STOX2: variants seen among roughly 807,000 people sequenced by gnomAD.
STOX2 encodes the protein storkhead box 2.
Under a neutral mutation model 60.9 loss-of-function variants are expected in STOX2, and 28 were observed. The observed-to-expected ratio is 0.46, with a 90% CI of 0.34 to 0.63. STOX2 has a LOEUF of 0.63. STOX2 is among the 30% of genes least tolerant of loss of function. The pLI is 0.01. For missense variants in STOX2, 1,024 were observed against 1,187.7 expected, an observed-to-expected ratio of 0.86 and a Z score of 2.03; for synonymous variants, 472 against 463.9, an observed-to-expected ratio of 1.02 and a Z score of -0.22.
Position 183,821,764 on chromosome 4 carries a change from C to T in STOX2, c.364+23709C>T, listed in dbSNP as rs1284826417. ...GTCCCTGCTGCTCCAGCAGCCTCCC[C>T]CTCCACATCCCTGCGGAGCACCCAT... On this transcript the variant is annotated intron_variant, in intron 1 of 2. Transcript: ENST00000513034. This position sits in a 1 kb window ranked among gnomAD's most constrained non-coding sequence, Gnocchi z 4.2. Among the ~76,000 whole-genome samples the T allele has an allele frequency of 6.6e-6, 1 of 152,254 alleles. No homozygotes were observed. Among genetic ancestry groups the T allele is most frequent in the East Asian group, 1.9e-4 (1 of 5,194 alleles).
At chr4:183,826,375 C>T (rs1224911710) in intron 1 of STOX2, among the ~76,000 whole-genome samples, 1 of 152,204 alleles carries the variant, frequency 6.6e-6, no homozygotes, top group African/African-American at 2.4e-5. Flanking sequence ...GCTCATCTAT[C>T]TCAGGGGATA....
At chr4:183,889,371 C>T (rs1016861310) in intron 1 of STOX2, among the ~76,000 whole-genome samples, 3 of 152,122 alleles carry the variant, frequency 2.0e-5, no homozygotes, top group Admixed American at 6.5e-5. Flanking sequence ...AGGTCACCAG[C>T]GTGCCCCAGA....
At chr4:183,817,143 G>A (rs1214932938) in intron 1 of STOX2, among the ~76,000 whole-genome samples, 1 of 152,228 alleles carries the variant, frequency 6.6e-6, no homozygotes, top group African/African-American at 2.4e-5. Context: ...CTTTGAAATG[G>A]TGTCCACATT....
In STOX2 at chr4:184,011,392, A is replaced by G. The variant is rs1734168007; in HGVS notation, c.2554A>G (p.Ile852Val). The G allele has an allele frequency of 6.2e-7, 1 of 1,613,296 alleles. No homozygotes were observed. Among genetic ancestry groups the G allele is most frequent in the Non-Finnish European group, 8.5e-7 (1 of 1,179,574 alleles). The change falls in exon 3 of 4, where the codon ATC becomes GTC. Residue 852 changes from isoleucine to valine, a missense_variant. This residue lies in a region of STOX2 where 922 missense variants were observed against 1,058.3 expected (regional missense o/e 0.87). Transcript: ENST00000308497. The surrounding 1 kb of genome is among the most constrained non-coding windows in gnomAD (Gnocchi z 4.4). ...GCTCGACAGCATGGACAGCAGCAGC[A>G]TCACAGTGGACAGTGGATTCAACTC... ...ARLDSMDSSS[I>V]TVDSGFNSPR...
intron 1 of STOX2, among the ~76,000 whole-genome samples, chr4:183,850,980 C>CGATGAGAAAGGATGAGGGAAAG (rs1740110800): frequency 4.3e-5 from 2 of 46,590 alleles, no homozygotes; most frequent in African/African-American, 1.7e-4. Flanking sequence ...ATGAGGGAAA[C>CGATGAGAAAGGATGAGGGAAAG]GATGAGAAAG....
chr4:183,945,791 G>A (rs1164561674), intron 1 of STOX2, among the ~76,000 whole-genome samples: 3 of 152,226 alleles, frequency 2.0e-5, no homozygotes, highest in East Asian at 1.9e-4. Context: ...GTCCTCAGTC[G>A]GTGTGTTCTT....
chr4:183,923,226 A>G (rs745350664), intron 1 of STOX2, among the ~76,000 whole-genome samples: 41 of 152,220 alleles, frequency 2.7e-4, no homozygotes, highest in Non-Finnish European at 4.7e-4. Context: ...TGGTTGCACC[A>G]TTTTGCATAC....
intron 1 of STOX2, among the ~76,000 whole-genome samples, chr4:183,870,758 A>G (rs1254037158): frequency 6.6e-6 from 1 of 152,172 alleles, no homozygotes; most frequent in Non-Finnish European, 1.5e-5. Flanking sequence ...TGTTGCACTG[A>G]TGGGGGAGAA....
At chr4:184,005,602 C>A (rs1463988047) in intron 2 of STOX2, among the ~76,000 whole-genome samples, 1 of 151,642 alleles carries the variant, frequency 6.6e-6, no homozygotes, top group African/African-American at 2.4e-5. Flanking sequence ...TATTTTTGTT[C>A]TTTAAGCCCT....
Position 183,951,227 on chromosome 4 carries a change from A to G in STOX2, c.166+44271A>G, listed in dbSNP as rs553273860. Among the ~76,000 whole-genome samples the G allele has an allele frequency of 1.0e-3, 156 of 150,348 alleles. 1 individual carries two copies. Among genetic ancestry groups the G allele is most frequent in the African/African-American group, 3.5e-3 (141 of 40,722 alleles). On this transcript the variant is annotated intron_variant, in intron 1 of 3. Coordinates refer to ENST00000308497, the MANE Select transcript of STOX2 (RefSeq NM_020225.3). ...GAGACTCCGTCTCAAAAAAAAAGAA[A>G]AAAAAAAAAAAGACAGTAGTGCAAA...
At chr4:183,891,159 A>G (rs895535490) in intron 1 of STOX2, among the ~76,000 whole-genome samples, 2 of 151,892 alleles carry the variant, frequency 1.3e-5, no homozygotes, top group Admixed American at 6.6e-5. Flanking sequence ...TGAGCTGTCT[A>G]GGGGTTAACC....
intron 1 of STOX2, among the ~76,000 whole-genome samples, chr4:183,928,148 T>G (rs1464438724): frequency 6.6e-6 from 1 of 152,188 alleles, no homozygotes; most frequent in Non-Finnish European, 1.5e-5. Flanking sequence ...CCCAACAGAT[T>G]GGTGTTCAGT....
intron 1 of STOX2, among the ~76,000 whole-genome samples, chr4:183,849,821 G>A (rs1393869727): frequency 6.6e-6 from 1 of 152,166 alleles, no homozygotes; most frequent in Non-Finnish European, 1.5e-5. Flanking sequence ...TCCAAGGGTT[G>A]TATTTATTTC....
chr4:183,908,554 A>G (rs1006645962), intron 1 of STOX2, among the ~76,000 whole-genome samples: 1 of 139,286 alleles, frequency 7.2e-6, no homozygotes, highest in East Asian at 2.1e-4. Context: ...AACCTGCAAC[A>G]CTCTGTTTCA....
At chr4:183,957,382 C>T (rs924902002) in intron 1 of STOX2, among the ~76,000 whole-genome samples, 2 of 152,126 alleles carry the variant, frequency 1.3e-5, no homozygotes, top group African/African-American at 4.8e-5. Flanking sequence ...TTTTATCATG[C>T]ATCAGTAATT....
Position 183,930,891 on chromosome 4 carries a change from T to C in STOX2, c.166+23935T>C, listed in dbSNP as rs137963740. Among the ~76,000 whole-genome samples the C allele has an allele frequency of 3.7e-3, 558 of 152,322 alleles. 13 individuals are homozygous for C. The highest frequency in any genetic ancestry group is 0.025 in the Admixed American group (381 of 15,304). On this transcript the variant is annotated intron_variant, in intron 1 of 3. Transcript: ENST00000308497. ...TAGAATCTTATGTGGTTTCTACAGA[T>C]ATCTTCAAATCAAAGAGGCTGAGCA...
intron 1 of STOX2, among the ~76,000 whole-genome samples, chr4:183,978,166 C>T (rs903471272): frequency 1.3e-5 from 2 of 152,134 alleles, no homozygotes; most frequent in South Asian, 4.1e-4. Context: ...GTCATAAATT[C>T]TTTGCTTTGA....
intron 1 of STOX2, among the ~76,000 whole-genome samples, chr4:183,990,342 T>A (rs1275343706): frequency 6.6e-6 from 1 of 152,186 alleles, no homozygotes; most frequent in African/African-American, 2.4e-5. Flanking sequence ...TATTCATTCA[T>A]GTGTTTTCTT....
chr4:184,011,511 G>A lies in STOX2; in HGVS notation c.2585+88G>A. The A allele has an allele frequency of 6.3e-7, 1 of 1,580,812 alleles. No individual in the cohort carries two copies. The highest frequency in any genetic ancestry group is 8.6e-7 in the Non-Finnish European group (1 of 1,161,602). Reference sequence around the variant, plus strand: ...AACTTGACAAGTTTCTGATTTCGTAGTCTCAGTTCTATGGATGAGGGTTAA... The same window carrying A: ...AACTTGACAAGTTTCTGATTTCGTAATCTCAGTTCTATGGATGAGGGTTAA... On this transcript the variant is annotated intron_variant, in intron 3 of 3. Coordinates refer to ENST00000308497, the MANE Select transcript of STOX2 (RefSeq NM_020225.3). The surrounding 1 kb of genome is among the most constrained non-coding windows in gnomAD (Gnocchi z 4.4).
Sources: gnomAD v4.1 joint callset for allele counts (sites outside exome capture counted in the v4.1 genomes callset) on GRCh38, gnomAD v4.1.1 for gene constraint, gnomAD v4.1.1 regional missense constraint, Gnocchi (gnomAD v3.1) non-coding constraint, MANE v1.5 for transcripts, NCBI Gene and HGNC (gene_info 2026-07-23, HGNC 2026-07-21) for gene names.